Variants in IQSEC1 observed in about 807,000 individuals in gnomAD.
The protein encoded by IQSEC1 is IQ motif and Sec7 domain ArfGEF 1.
A neutral mutation model predicts 91.0 loss-of-function variants in IQSEC1; 31 were observed. That is an observed-to-expected ratio of 0.34 (90% CI 0.26 to 0.46). The LOEUF (loss-of-function observed/expected upper bound fraction) is 0.46, where lower values mean the gene tolerates loss of function less well. Among genes scored for constraint, IQSEC1 ranks in the 20% least tolerant of loss-of-function variants. IQSEC1 has a pLI of 1.00. For missense variants in IQSEC1, 1,388 were observed against 1,575.6 expected (o/e 0.88, Z 2.02); for synonymous variants, 699 against 662.6 (o/e 1.05, Z -0.84).
At chr3:13,264,331 G>A (rs951215921) in intron 1 of IQSEC1, among the ~76,000 whole-genome samples, 5 of 152,164 alleles carry the variant, frequency 3.3e-5, no homozygotes, top group African/African-American at 9.7e-5. Flanking sequence ...TCTGGCTGCC[G>A]TGATGCCCAC....
At chr3:13,074,031 C>T (rs1193235404), upstream of IQSEC1, among the ~76,000 whole-genome samples, 3 of 152,242 alleles carry the variant, frequency 2.0e-5, no homozygotes, top group Non-Finnish European at 4.4e-5. Context: ...TCCCGAGGAC[C>T]TTCCATGTGC....
chr3:13,237,585 C>T (rs1443724135), intron 1 of IQSEC1, among the ~76,000 whole-genome samples: 1 of 152,226 alleles, frequency 6.6e-6, no homozygotes, highest in Non-Finnish European at 1.5e-5. Context: ...TGCGCACTTC[C>T]CCGCCATGTT....
chr3:12,946,900 T>TA (rs1440575904), intron 1 of IQSEC1, among the ~76,000 whole-genome samples: 13 of 152,178 alleles, frequency 8.5e-5, no homozygotes, highest in Admixed American at 8.5e-4. Flanking sequence ...CTGCATGCCC[T>TA]ACCCACTCCT....
At chr3:13,033,425 C>T (rs1703920358) in intron 1 of IQSEC1, among the ~76,000 whole-genome samples, 1 of 152,092 alleles carries the variant, frequency 6.6e-6, no homozygotes, top group South Asian at 2.1e-4. Context: ...CTCTTCTTGG[C>T]TTGTATGTGG....
At chr3:13,023,618 T>G (rs1703494680) in intron 1 of IQSEC1, among the ~76,000 whole-genome samples, 2 of 152,158 alleles carry the variant, frequency 1.3e-5, no homozygotes, top group Non-Finnish European at 2.9e-5. Flanking sequence ...AGCCTTGCTC[T>G]GTCCCCAGGC....
intron 1 of IQSEC1, among the ~76,000 whole-genome samples, chr3:12,965,693 G>A (rs1016052038): frequency 4.6e-5 from 7 of 152,242 alleles, no homozygotes; most frequent in African/African-American, 1.7e-4. Context: ...TGCCCGGAGG[G>A]ACTTCTAATG....
rs1694219809 is a variant in IQSEC1, at chr3:12,901,058, G to A, written c.3270C>T (p.His1090=). 1.9e-6 allele frequency: 3 copies of A among 1,542,150 alleles called. No individual in the cohort carries two copies. Among genetic ancestry groups the A allele is most frequent in the Middle Eastern group, 1.7e-4 (1 of 5,952 alleles). Residue 1090 remains histidine (H), a synonymous_variant, in exon 14 of 14, where the codon CAC becomes CAT. Transcript: ENST00000613206. ...PSAHVGHTVH[H]HGQPPAPPPP... ...GCGGCGGGGCAGGGGGCTGCCCATGGTGGTGCACTGTGTGCCCCACGTGGG... is the reference window on the plus strand; with the variant it reads ...GCGGCGGGGCAGGGGGCTGCCCATGATGGTGCACTGTGTGCCCCACGTGGG...
chr3:13,235,502 G>T (rs1322737461), intron 1 of IQSEC1, among the ~76,000 whole-genome samples: 1 of 152,162 alleles, frequency 6.6e-6, no homozygotes, highest in Non-Finnish European at 1.5e-5. Context: ...GTGCTGAGCT[G>T]GTTGGGGGAG....
At chr3:13,199,545 C>T (rs914047554) in intron 1 of IQSEC1, among the ~76,000 whole-genome samples, 1 of 152,188 alleles carries the variant, frequency 6.6e-6, no homozygotes, top group African/African-American at 2.4e-5. Flanking sequence ...TGCCACTCCC[C>T]ACTTGCTGTG....
At chr3:13,199,369 C>G (rs1694194637) in intron 1 of IQSEC1, among the ~76,000 whole-genome samples, 1 of 152,210 alleles carries the variant, frequency 6.6e-6, no homozygotes. Flanking sequence ...GTGGGCCAAA[C>G]CTCCACCCCA....
Position 12,901,118 on chromosome 3 carries a change from C to T in IQSEC1, c.3210G>A (p.Gly1070=), listed in dbSNP as rs1241376265. The change falls in exon 14 of 14, where the codon GGG becomes GGA. Residue 1070 remains glycine (G), a synonymous_variant. Transcript: ENST00000613206. The part of the protein sequence containing the change: ...HGPHGGHPAY[G]AHAHGHPPLP... Reference sequence around the variant, plus strand: ...GCGGCGGGTGGCCGTGGGCATGGGCCCCGTAGGCTGGGTGGCCCCCATGGG... The same window carrying T: ...GCGGCGGGTGGCCGTGGGCATGGGCTCCGTAGGCTGGGTGGCCCCCATGGG... 4 of 1,541,208 alleles carry T rather than the reference C, an allele frequency of 2.6e-6. No individual in the cohort carries two copies. Among genetic ancestry groups the T allele is most frequent in the Non-Finnish European group, 2.6e-6 (3 of 1,145,564 alleles).
chr3:13,019,808 C>T (rs867035835), intron 1 of IQSEC1, among the ~76,000 whole-genome samples: 2 of 152,174 alleles, frequency 1.3e-5, no homozygotes, highest in South Asian at 2.1e-4. Context: ...CGCCAGTGCT[C>T]GTGACACCCC....
In IQSEC1 at chr3:12,924,564, C is replaced by G; in HGVS notation, c.1730+17G>C. ...TGTGTGGAATCAGGTCCCCCACCAC[C>G]CCCATGCAGAACTTACTCGAGCACG... On this transcript the variant is annotated intron_variant, in intron 4 of 13. Coordinates refer to ENST00000613206, the MANE Select transcript of IQSEC1 (RefSeq NM_001134382.3). The surrounding 1 kb of genome is among the most constrained non-coding windows in gnomAD (Gnocchi z 6.3). The G allele has an allele frequency of 6.4e-7, 1 of 1,569,550 alleles. No individual in the cohort carries two copies. The highest frequency in any genetic ancestry group is 8.7e-7 in the Non-Finnish European group (1 of 1,151,992).
At chr3:13,128,760 C>T (rs1244136061) in intron 2 of IQSEC1, among the ~76,000 whole-genome samples, 1 of 151,632 alleles carries the variant, frequency 6.6e-6, no homozygotes, top group Non-Finnish European at 1.5e-5. Flanking sequence ...ACCTGTAATC[C>T]CAGCTACTCA....
intron 1 of IQSEC1, among the ~76,000 whole-genome samples, chr3:13,033,865 A>G (rs1703935759): frequency 6.6e-6 from 1 of 152,184 alleles, no homozygotes; most frequent in African/African-American, 2.4e-5. Flanking sequence ...CATTTCATCC[A>G]GAAACACCCC....
At chr3:12,957,326 T>C (rs1699970850) in intron 1 of IQSEC1, among the ~76,000 whole-genome samples, 4 of 152,310 alleles carry the variant, frequency 2.6e-5, no homozygotes, top group Admixed American at 2.0e-4. Context: ...CAGACGCTTG[T>C]CCCTGGCTAA....
chr3:13,230,180 T>C (rs1158743266), intron 1 of IQSEC1, among the ~76,000 whole-genome samples: 1 of 152,356 alleles, frequency 6.6e-6, no homozygotes, highest in Admixed American at 6.5e-5. Context: ...ACTATATCCA[T>C]GCAGTCTTGT....
rs147906593 is a variant in IQSEC1, at chr3:13,171,294, G to A, written c.273-7161C>T. Reference sequence around the variant, plus strand: ...GGCACACAGACTGTCAAAGCAGGTGGACACAGGAGAAAAGGTTTTCTTCCT... The same window carrying A: ...GGCACACAGACTGTCAAAGCAGGTGAACACAGGAGAAAAGGTTTTCTTCCT... On this transcript the variant is annotated intron_variant, in intron 1 of 15. Coordinates refer to the IQSEC1 transcript ENST00000648114. 3.1e-3 allele frequency among the ~76,000 whole-genome samples: 479 copies of A among 152,272 alleles called. 3 individuals carry two copies. The highest frequency in any genetic ancestry group is 6.9e-3 in the Admixed American group (105 of 15,302).
At chr3:13,085,451 A>G (rs556060054) in intron 2 of IQSEC1, among the ~76,000 whole-genome samples, 1 of 151,894 alleles carries the variant, frequency 6.6e-6, no homozygotes. Context: ...GTCACCTTCA[A>G]TACTCGTTCA....
Sources: gnomAD v4.1 joint callset for allele counts (sites outside exome capture counted in the v4.1 genomes callset) on GRCh38, gnomAD v4.1.1 for gene constraint, Gnocchi (gnomAD v3.1) non-coding constraint, MANE v1.5 for transcripts, NCBI Gene and HGNC (gene_info 2026-07-23, HGNC 2026-07-21) for gene names.